Variants in PLAA observed in about 807,000 individuals in gnomAD.
The protein encoded by PLAA is phospholipase A2 activating protein, also known as phospholipase A-2-activating protein.
Under a neutral mutation model 84.1 loss-of-function variants are expected in PLAA, and 48 were observed. That is an observed-to-expected ratio of 0.57 (90% confidence interval 0.45 to 0.73). PLAA has a LOEUF of 0.73. PLAA is among the 30% of genes least tolerant of loss of function. PLAA has a pLI of 0.00. For missense variants in PLAA, 903 were observed against 954.7 expected, an observed-to-expected ratio of 0.95 and a Z score of 0.71; for synonymous variants, 392 against 336.6, an observed-to-expected ratio of 1.16 and a Z score of -1.80.
In PLAA at chr9:26,911,966, TACAC is replaced by T. The variant is rs749233882; in HGVS notation, c.1556-1531_1556-1528del. Among the ~76,000 whole-genome samples the T allele has an allele frequency of 2.0e-4, 31 of 152,208 alleles. 1 individual carries two copies. Among genetic ancestry groups the T allele is most frequent in the Non-Finnish European group, 2.9e-5 (2 of 68,036 alleles). Reference sequence around the variant, plus strand: ...TTTTTCTTGACATAAAAATGAGCCATACACACATTGCCTGCATTCTTGGTCATTA... The same window carrying T: ...TTTTTCTTGACATAAAAATGAGCCATACATTGCCTGCATTCTTGGTCATTA... On this transcript the variant is annotated intron_variant, in intron 11 of 13. Coordinates refer to ENST00000397292, the MANE Select transcript of PLAA (RefSeq NM_001031689.3).
chr9:26,916,493 G>A, intron 10 of PLAA: 4 of 986,906 alleles, frequency 4.1e-6, no homozygotes, highest in Non-Finnish European at 4.8e-6. Flanking sequence ...CTTCAAGAAG[G>A]ACATTAATAA....
intron 10 of PLAA, chr9:26,916,176 T>C (rs1824550444): frequency 2.0e-6 from 2 of 983,922 alleles, no homozygotes; most frequent in Non-Finnish European, 2.4e-6. Context: ...CGTTGTATGT[T>C]TGTCCAATCT....
At chr9:26,939,663 T>C (rs1011204797) in intron 1 of PLAA, among the ~76,000 whole-genome samples, 13 of 152,020 alleles carry the variant, frequency 8.6e-5, no homozygotes, top group African/African-American at 3.1e-4. Context: ...AGACTCACTT[T>C]AGATCCAAAG....
chr9:26,918,023 C>T (rs1824620623), intron 9 of PLAA, among the ~76,000 whole-genome samples: 2 of 152,316 alleles, frequency 1.3e-5, no homozygotes, highest in Middle Eastern at 3.4e-3. Context: ...TATCCACATA[C>T]TAAACAATTA....
rs540134320 is a variant in PLAA at position 26,907,330 on chromosome 9, C to A, written c.1822+504G>T. On this transcript the variant is annotated intron_variant, in intron 13 of 13. Transcript: ENST00000397292. ...GGATCACGAGGTCAGGAGATTGAGACCATCCTGGCTAACGTGGTGAAACCC... is the reference window on the plus strand; with the variant it reads ...GGATCACGAGGTCAGGAGATTGAGAACATCCTGGCTAACGTGGTGAAACCC... Among the ~76,000 whole-genome samples the A allele has an allele frequency of 7.2e-5, 11 of 151,978 alleles. No individual in the cohort carries two copies. In the South Asian group the frequency reaches 2.3e-3, roughly 32 times the overall value.
chr9:26,932,776 T>A (rs1269301353), intron 2 of PLAA, among the ~76,000 whole-genome samples: 1 of 152,240 alleles, frequency 6.6e-6, no homozygotes, highest in Admixed American at 6.5e-5. Flanking sequence ...TAAAAATCTG[T>A]ATCCCTCTGT....
At chr9:26,923,400 TTA>T in intron 6 of PLAA, 53 bp from the exon 7 acceptor site, 1 of 1,219,618 alleles carries the variant, frequency 8.2e-7, no homozygotes. Flanking sequence ...TACATTAACA[TTA>T]TCACACCTGA....
chr9:26,923,264 G>A lies in PLAA; in HGVS notation c.953C>T (p.Ser318Phe). The stretch of plus-strand genomic sequence containing the variant: ...AGTTTTAGAATCAATGGTTGCGTGA[G>A]ACAGTTCTTTTTCAAAAGCCTTGAT... ...EEIKAFEKEL[S>F]HATIDSKTGD... Residue 318 changes from serine to phenylalanine, a missense_variant, in exon 7 of 14, where the codon TCT becomes TTT. Physicochemically the swap from Ser to Phe is radical, Grantham distance 155. Transcript: ENST00000397292. The A allele has an allele frequency of 6.2e-7, 1 of 1,613,804 alleles. No individual in the cohort carries two copies. Among genetic ancestry groups the A allele is most frequent in the South Asian group, 1.1e-5 (1 of 91,072 alleles).
Position 26,905,399 on chromosome 9 carries a change from A to C in PLAA, c.*112T>G. On this transcript the variant is annotated 3_prime_UTR_variant, in exon 14 of 14. Transcript: ENST00000397292. ...CTCCCCACCACTTTACAAGATGTAA[A>C]ATTTTACTTAATCCACCGTATTCTC... is the stretch of plus-strand genomic sequence containing the variant. The C allele has an allele frequency of 2.3e-6, 2 of 855,128 alleles. No individual in the cohort carries two copies. The highest frequency in any genetic ancestry group is 2.8e-5 in the Admixed American group (1 of 35,670). 53.0% of individuals were successfully genotyped at this position (855,128 alleles called of 1,614,324 possible).
At chr9:26,918,625 G>C (rs1242599403) in intron 9 of PLAA, among the ~76,000 whole-genome samples, 2 of 152,080 alleles carry the variant, frequency 1.3e-5, no homozygotes, top group Admixed American at 6.5e-5. Flanking sequence ...ACTAGCACCT[G>C]AAAAATGTTG....
chr9:26,922,211 A>G (rs543309311), intron 7 of PLAA, among the ~76,000 whole-genome samples: 2 of 152,218 alleles, frequency 1.3e-5, no homozygotes, highest in South Asian at 4.1e-4. Flanking sequence ...AAATGTAATA[A>G]AACTGATAAT....
chr9:26,910,452 TAGA>T lies in PLAA; in HGVS notation c.1556-16_1556-14del, dbSNP rs755252748. The T allele has an allele frequency of 2.5e-6, 4 of 1,573,700 alleles. No homozygotes were observed. In the African/African-American group the frequency reaches 5.4e-5, roughly 21 times the overall value. ...TAGGCACTATTCCCTATTTAAAGAA[TAGA>T]AGATGATGATAATCACAAGGAGTGA... is the stretch of plus-strand genomic sequence containing the variant. On this transcript the variant is annotated splice_polypyrimidine_tract_variant and intron_variant, in intron 11 of 13. Coordinates refer to ENST00000397292, the MANE Select transcript of PLAA (RefSeq NM_001031689.3).
chr9:26,925,655 A>T (rs564602404), intron 6 of PLAA, among the ~76,000 whole-genome samples, 170 bp downstream of exon 6: 3 of 151,518 alleles, frequency 2.0e-5, no homozygotes, highest in Admixed American at 2.0e-4. Context: ...TATATCATGC[A>T]TCCCTTAGTA....
intron 1 of PLAA, among the ~76,000 whole-genome samples, chr9:26,939,343 G>T (rs1031742635): frequency 1.3e-5 from 2 of 151,818 alleles, no homozygotes. Flanking sequence ...AGCCGAGATT[G>T]CGCCACTGCA....
chr9:26,930,801 G>C (rs778474310), intron 2 of PLAA, among the ~76,000 whole-genome samples: 1 of 151,080 alleles, frequency 6.6e-6, no homozygotes. Flanking sequence ...CAGGCTGGTC[G>C]TGAACTCCTG....
At chr9:26,931,253 T>A (rs1825173552) in intron 2 of PLAA, among the ~76,000 whole-genome samples, 1 of 152,176 alleles carries the variant, frequency 6.6e-6, no homozygotes, top group South Asian at 2.1e-4. Flanking sequence ...GTCTTTTCTG[T>A]ATAGAAGTCC....
In PLAA at chr9:26,946,951, C is replaced by T. The variant is rs1825748460; in HGVS notation, c.95G>A (p.Gly32Glu). 1 of 1,588,710 alleles carries T rather than the reference C, an allele frequency of 6.3e-7. No individual in the cohort carries two copies. The highest frequency in any genetic ancestry group is 8.6e-7 in the Non-Finnish European group (1 of 1,167,566). The change falls in exon 1 of 14, where the codon GGA becomes GAA. Residue 32 changes from glycine (G) to glutamate (E), a missense_variant. Coordinates refer to ENST00000397292, the MANE Select transcript of PLAA (RefSeq NM_001031689.3). ...GTCTCGGGACACGGACACAAAGGCT[C>T]CCGGCGGATAGGCGCAGCACACCAG... ...RGLVCCAYPPGAFVSVSRDRT... is the reference protein window; with the variant it reads ...RGLVCCAYPPEAFVSVSRDRT...
Position 26,913,963 on chromosome 9 carries a change from A to G in PLAA, c.1487-16T>C. Reference sequence around the variant, plus strand: ...CGACCAGCACCTACAATACAATAATACTCCTAGTAAGCAAAGGTGACTGTA... The same window carrying G: ...CGACCAGCACCTACAATACAATAATGCTCCTAGTAAGCAAAGGTGACTGTA... On this transcript the variant is annotated splice_polypyrimidine_tract_variant and intron_variant, in intron 10 of 13. Coordinates refer to ENST00000397292, the MANE Select transcript of PLAA (RefSeq NM_001031689.3). The G allele has an allele frequency of 6.4e-7, 1 of 1,574,676 alleles. No homozygotes were observed. Among genetic ancestry groups the G allele is most frequent in the Non-Finnish European group, 8.7e-7 (1 of 1,146,418 alleles).
chr9:26,905,685 G>A lies in PLAA; in HGVS notation c.2214C>T (p.Asp738=), dbSNP rs1824207463. 6.2e-7 allele frequency: 1 copy of A among 1,614,108 alleles called. No homozygotes were observed. The highest frequency in any genetic ancestry group is 8.5e-7 in the Non-Finnish European group (1 of 1,179,972). The change falls in exon 14 of 14, where the codon GAC becomes GAT. Residue 738 remains aspartate (D), a synonymous_variant. Coordinates refer to ENST00000397292, the MANE Select transcript of PLAA (RefSeq NM_001031689.3). ...LISTILEVVQ[D]LEATFRLLVA... is the part of the protein sequence containing the mutation. ...CAAGAAGTCTAAAAGTGGCTTCTAG[G>A]TCTTGTACTACTTCCAAGATTGTGC...
Sources: allele counts gnomAD v4.1 joint callset (sites outside exome capture counted in the v4.1 genomes callset), GRCh38; gene constraint gnomAD v4.1.1; transcripts MANE v1.5; gene names NCBI Gene and HGNC (gene_info 2026-07-23, HGNC 2026-07-21).